The following SCFD2 variants were observed in gnomAD, a reference collection of about 807,000 sequenced individuals.
SCFD2 encodes sec1 family domain-containing protein 2.
In SCFD2, 54 loss-of-function variants were observed where a neutral mutation model predicts 58.9. The ratio of observed to expected loss-of-function variants is 0.92; its 90% CI spans 0.74 to 1.15. The LOEUF (loss-of-function observed/expected upper bound fraction) is 1.15. SCFD2 is among the 50% of genes most tolerant of loss of function. The pLI is 0.00. For synonymous variants in SCFD2, 321 were observed against 335.9 expected (o/e 0.96, Z 0.49); for missense variants, 805 against 836.6 (o/e 0.96, Z 0.47).
chr4:52,891,861 T>C (rs1718886251), intron 7 of SCFD2, among the ~76,000 whole-genome samples: 1 of 152,220 alleles, frequency 6.6e-6, no homozygotes, highest in Admixed American at 6.5e-5. Flanking sequence ...CTCCACTTTC[T>C]AAGCCCTCTT....
intron 4 of SCFD2, among the ~76,000 whole-genome samples, chr4:53,234,220 A>T (rs1729526530): frequency 1.3e-5 from 2 of 152,236 alleles, no homozygotes; most frequent in Admixed American, 1.3e-4. Flanking sequence ...TGTCTAGCAG[A>T]CAGCATGTGC....
chr4:53,024,409 G>A (rs1722421966), intron 5 of SCFD2, among the ~76,000 whole-genome samples: 1 of 152,166 alleles, frequency 6.6e-6, no homozygotes, highest in Non-Finnish European at 1.5e-5. Context: ...TCAACTTGGA[G>A]GAAGATATTG....
At chr4:53,276,719 A>G (rs568914017) in intron 3 of SCFD2, among the ~76,000 whole-genome samples, 2 of 152,266 alleles carry the variant, frequency 1.3e-5, no homozygotes, top group East Asian at 1.9e-4. Context: ...TGCAGTATTT[A>G]GTTTAAGCAC....
intron 5 of SCFD2, among the ~76,000 whole-genome samples, chr4:53,129,782 A>G (rs1207375303): frequency 2.6e-5 from 4 of 152,198 alleles, no homozygotes; most frequent in Non-Finnish European, 5.9e-5. Context: ...TAGTTTTAAT[A>G]TTTTTATGTT....
At chr4:53,045,739 C>T (rs1273213936) in intron 5 of SCFD2, among the ~76,000 whole-genome samples, 1 of 151,990 alleles carries the variant, frequency 6.6e-6, no homozygotes, top group Admixed American at 6.6e-5. Context: ...TATTTGATGA[C>T]TGAATGAATT....
intron 5 of SCFD2, among the ~76,000 whole-genome samples, chr4:53,140,392 A>AAAATATATAT (rs369140110): frequency 0.36 from 35,438 of 97,438 alleles, 7,880 homozygotes; most frequent in Non-Finnish European, 0.43. Flanking sequence ...CAAAAATGCT[A>AAAATATATAT]ATATATATAT....
chr4:52,875,121 G>C (rs1718440691), intron 8 of SCFD2, among the ~76,000 whole-genome samples: 1 of 152,192 alleles, frequency 6.6e-6, no homozygotes, highest in Admixed American at 6.5e-5. Context: ...GGCTGAGTCA[G>C]GATCCCAGCG....
chr4:53,096,257 G>C (rs925600773), intron 5 of SCFD2, among the ~76,000 whole-genome samples: 6 of 152,130 alleles, frequency 3.9e-5, no homozygotes, highest in Non-Finnish European at 8.8e-5. Flanking sequence ...TGGGTCAAAT[G>C]GTATTTCTAG....
At chr4:53,135,843 T>C (rs1197739383) in intron 5 of SCFD2, among the ~76,000 whole-genome samples, 2 of 152,228 alleles carry the variant, frequency 1.3e-5, no homozygotes, top group Non-Finnish European at 2.9e-5. Flanking sequence ...GCATTTTCAC[T>C]GTTGTTTCCC....
intron 5 of SCFD2, among the ~76,000 whole-genome samples, chr4:53,009,134 C>G (rs1560508592): frequency 6.6e-6 from 1 of 152,188 alleles, no homozygotes; most frequent in Non-Finnish European, 1.5e-5. Flanking sequence ...ACTATTAGTC[C>G]TCTCTCACTA....
intron 4 of SCFD2, among the ~76,000 whole-genome samples, chr4:53,209,962 T>G (rs1298834638): frequency 4.6e-5 from 7 of 152,082 alleles, no homozygotes; most frequent in Non-Finnish European, 5.9e-5. Context: ...TATGTATGAA[T>G]CTTTCTATGA....
chr4:53,128,560 C>G lies in SCFD2; in HGVS notation c.1561+16773G>C, dbSNP rs17082414. On this transcript the variant is annotated intron_variant, in intron 5 of 8. Transcript: ENST00000401642. Reference sequence around the variant, plus strand: ...TATGTGCATGTTTTCTGATTTCTCTCGGAGAGCTGTAAGGTTCGGAGGGGA... The same window carrying G: ...TATGTGCATGTTTTCTGATTTCTCTGGGAGAGCTGTAAGGTTCGGAGGGGA... Among the ~76,000 whole-genome samples the G allele has an allele frequency of 5.9e-3, 892 of 151,898 alleles. 7 individuals carry two copies. Among genetic ancestry groups the G allele is most frequent in the African/African-American group, 0.019 (797 of 41,410 alleles).
chr4:53,187,621 G>A (rs1262648441), intron 4 of SCFD2, among the ~76,000 whole-genome samples: 1 of 151,942 alleles, frequency 6.6e-6, no homozygotes, highest in African/African-American at 2.4e-5. Context: ...TGATCTTGTG[G>A]GAGATACTTA....
intron 5 of SCFD2, among the ~76,000 whole-genome samples, chr4:52,974,923 G>A (rs182946707): frequency 0.017 from 2,528 of 152,228 alleles, 76 homozygotes; most frequent in African/African-American, 0.057. Context: ...ATGGGGAAAC[G>A]ATTCCCTATT....
rs943008639 is a variant in SCFD2, at chr4:52,913,660, C to T, written c.1708-6069G>A. ...CATCCTGAAACCACACCGCCCCACC[C>T]TGCACCGCCTGGTGCCTTCCACAAA... is the stretch of plus-strand genomic sequence containing the variant. On this transcript the variant is annotated intron_variant, in intron 6 of 8. Coordinates refer to ENST00000401642, the MANE Select transcript of SCFD2 (RefSeq NM_152540.4). Among the ~76,000 whole-genome samples, 6 of 152,344 alleles carry T rather than the reference C, an allele frequency of 3.9e-5. No homozygotes were observed. In the South Asian group the frequency reaches 1.2e-3, roughly 32 times the overall value.
intron 4 of SCFD2, among the ~76,000 whole-genome samples, chr4:53,162,225 T>C (rs1307736709): frequency 6.6e-6 from 1 of 152,086 alleles, no homozygotes; most frequent in African/African-American, 2.4e-5. Flanking sequence ...ACATAAATGA[T>C]GTCATTTTGC....
intron 4 of SCFD2, among the ~76,000 whole-genome samples, chr4:53,150,938 T>C (rs1351644547): frequency 1.3e-5 from 2 of 152,244 alleles, no homozygotes; most frequent in Non-Finnish European, 2.9e-5. Flanking sequence ...TATATAATCA[T>C]AGCTTTTGCT....
At position 53,251,100 on chromosome 4, in the gene SCFD2, A is replaced by C. The variant is rs527736007; in HGVS notation, c.1311+22726T>G. 2.6e-5 allele frequency among the ~76,000 whole-genome samples: 4 copies of C among 152,322 alleles called. No individual in the cohort carries two copies. The South Asian group carries it at 8.3e-4, about 32-fold the overall frequency. On this transcript the variant is annotated intron_variant, in intron 4 of 8. Coordinates refer to ENST00000401642, the MANE Select transcript of SCFD2 (RefSeq NM_152540.4). ...CAAACTACCATCAGATAATACTACA[A>C]ACACCTCTACGCAAATAAACAAGAA...
intron 2 of SCFD2, among the ~76,000 whole-genome samples, chr4:53,348,859 C>T (rs1358084670): frequency 2.0e-5 from 3 of 151,964 alleles, no homozygotes; most frequent in African/African-American, 7.3e-5. Context: ...GGATTACAGG[C>T]ATGCGCCACC....
Sources: gnomAD v4.1 joint callset for allele counts (sites outside exome capture counted in the v4.1 genomes callset) on GRCh38, gnomAD v4.1.1 for gene constraint, MANE v1.5 for transcripts, NCBI Gene and HGNC (gene_info 2026-07-23, HGNC 2026-07-21) for gene names.